CNTN5: variants seen among roughly 807,000 people sequenced by gnomAD.
CNTN5 encodes contactin-5.
CNTN5 carries 77 observed loss-of-function variants against 129.1 expected under a neutral mutation model. That is an observed-to-expected ratio of 0.60 (90% CI 0.50 to 0.72). The LOEUF is 0.72. Ranked by LOEUF, CNTN5 falls within the 30% of genes least tolerant of loss-of-function variation. CNTN5 has a pLI of 0.00. For missense variants in CNTN5, 1,478 were observed against 1,328.8 expected, an observed-to-expected ratio of 1.11 and a Z score of -1.75; for synonymous variants, 509 against 465.6, an observed-to-expected ratio of 1.09 and a Z score of -1.20.
chr11:99,888,811 A>G (rs191522465), intron 6 of CNTN5, among the ~76,000 whole-genome samples: 163 of 152,350 alleles, frequency 1.1e-3, no homozygotes, highest in Non-Finnish European at 1.5e-3. Flanking sequence ...TTGAGCTTAC[A>G]TACTCTAGTG....
chr11:99,887,511 T>G (rs1948931063), intron 6 of CNTN5, among the ~76,000 whole-genome samples: 1 of 152,170 alleles, frequency 6.6e-6, no homozygotes, highest in African/African-American at 2.4e-5. Flanking sequence ...GATGTATATA[T>G]GAAGGGGAGT....
At chr11:99,421,418 A>G (rs1381482975) in intron 2 of CNTN5, among the ~76,000 whole-genome samples, 2 of 152,198 alleles carry the variant, frequency 1.3e-5, no homozygotes, top group Non-Finnish European at 2.9e-5. Flanking sequence ...TTGTTGTAGA[A>G]GGAAGCTATA....
chr11:99,898,772 C>A (rs1425322336), intron 6 of CNTN5, among the ~76,000 whole-genome samples: 1 of 151,308 alleles, frequency 6.6e-6, no homozygotes, highest in Admixed American at 6.6e-5. Flanking sequence ...TCTAATGATT[C>A]TCTGAGTTTA....
chr11:99,497,506 C>T (rs1301276992), intron 2 of CNTN5, among the ~76,000 whole-genome samples: 1 of 152,094 alleles, frequency 6.6e-6, no homozygotes, highest in African/African-American at 2.4e-5. Context: ...AAACTTATTT[C>T]TAGCTCTCCA....
chr11:99,781,305 A>G (rs1480562690), intron 3 of CNTN5, among the ~76,000 whole-genome samples: 1 of 152,096 alleles, frequency 6.6e-6, no homozygotes, highest in Admixed American at 6.6e-5. Flanking sequence ...CAGTGGAGTA[A>G]CAGATGGCAC....
chr11:99,789,805 T>C (rs900887068), intron 3 of CNTN5, among the ~76,000 whole-genome samples: 1 of 151,998 alleles, frequency 6.6e-6, no homozygotes, highest in Non-Finnish European at 1.5e-5. Context: ...TCATGGGATA[T>C]ATGCGCAGGT....
At chr11:100,105,340 A>G (rs1373279890) in intron 13 of CNTN5, among the ~76,000 whole-genome samples, 1 of 151,954 alleles carries the variant, frequency 6.6e-6, no homozygotes, top group Non-Finnish European at 1.5e-5. Flanking sequence ...ATGAGCAGAG[A>G]GAGAGAATTT....
At chr11:99,314,961 G>A (rs1235308099) in intron 1 of CNTN5, among the ~76,000 whole-genome samples, 2 of 147,268 alleles carry the variant, frequency 1.4e-5, no homozygotes, top group African/African-American at 4.9e-5. Flanking sequence ...TGGGTGGGGG[G>A]ACGGGGTGTT....
At chr11:99,721,548 AG>A (rs1462694959) in intron 3 of CNTN5, among the ~76,000 whole-genome samples, 5 of 152,178 alleles carry the variant, frequency 3.3e-5, no homozygotes, top group Non-Finnish European at 7.4e-5. Flanking sequence ...CAACCTAGGC[AG>A]TACCATCCTG....
intron 8 of CNTN5, among the ~76,000 whole-genome samples, chr11:99,997,257 A>C (rs1591543876): frequency 6.6e-6 from 1 of 151,960 alleles, no homozygotes; most frequent in Non-Finnish European, 1.5e-5. Context: ...CTCTGATTTT[A>C]GTTATATCTT....
chr11:99,748,223 A>T (rs963599647), intron 3 of CNTN5, among the ~76,000 whole-genome samples: 1 of 152,074 alleles, frequency 6.6e-6, no homozygotes, highest in South Asian at 2.1e-4. Flanking sequence ...GTCTTGTACA[A>T]TGAGTTTGTA....
At chr11:100,185,170 A>C (rs746409589) in intron 13 of CNTN5, among the ~76,000 whole-genome samples, 1 of 152,076 alleles carries the variant, frequency 6.6e-6, no homozygotes, top group Non-Finnish European at 1.5e-5. Context: ...CAGTGTGAAA[A>C]TTGTCTCATA....
intron 3 of CNTN5, among the ~76,000 whole-genome samples, chr11:99,569,220 G>A (rs541295782): frequency 5.3e-5 from 8 of 152,076 alleles, no homozygotes; most frequent in Non-Finnish European, 1.0e-4. Context: ...ATATCTATCT[G>A]TTCTATTTGC....
At chr11:99,123,165 G>A (rs1224926291) in intron 1 of CNTN5, among the ~76,000 whole-genome samples, 1 of 151,936 alleles carries the variant, frequency 6.6e-6, no homozygotes, top group Non-Finnish European at 1.5e-5. Flanking sequence ...CCCACCACCA[G>A]TGTATAATAA....
intron 1 of CNTN5, among the ~76,000 whole-genome samples, chr11:99,055,630 A>T (rs1481575381): frequency 6.6e-6 from 1 of 151,930 alleles, no homozygotes; most frequent in Non-Finnish European, 1.5e-5. Context: ...TAATTTTCTC[A>T]TAAGCTGTAT....
chr11:99,875,348 A>G (rs1365617709), intron 6 of CNTN5, among the ~76,000 whole-genome samples: 1 of 151,796 alleles, frequency 6.6e-6, no homozygotes, highest in Non-Finnish European at 1.5e-5. Context: ...ATTTGTTTGA[A>G]TCTGTTTATC....
At chr11:99,296,288 A>G (rs1283655232) in intron 1 of CNTN5, among the ~76,000 whole-genome samples, 1 of 152,108 alleles carries the variant, frequency 6.6e-6, no homozygotes, top group Non-Finnish European at 1.5e-5. Context: ...CTCAGCTGTG[A>G]GATTATAAAC....
intron 1 of CNTN5, among the ~76,000 whole-genome samples, chr11:99,282,964 A>G (rs1443714623): frequency 6.6e-6 from 1 of 152,068 alleles, no homozygotes; most frequent in East Asian, 1.9e-4. Context: ...CCTAAAATGT[A>G]GGAGCTAAAA....
At chr11:100,071,658 T>C in intron 11 of CNTN5, 47 bp from the exon 12 acceptor site, 2 of 1,429,004 alleles carry the variant, frequency 1.4e-6, no homozygotes, top group South Asian at 1.4e-5. Context: ...ATAAAATCCA[T>C]GTTATTTGTT....
Sources: allele counts gnomAD v4.1 joint callset (sites outside exome capture counted in the v4.1 genomes callset), GRCh38; gene constraint gnomAD v4.1.1; transcripts MANE v1.5; gene names NCBI Gene and HGNC (gene_info 2026-07-23, HGNC 2026-07-21).